CCNT1: variants seen among roughly 807,000 people sequenced by gnomAD.
CCNT1 encodes cyclin-T1.
Under a neutral mutation model 67.3 loss-of-function variants are expected in CCNT1, and 18 were observed. The ratio of observed to expected loss-of-function variants is 0.27; its 90% CI spans 0.18 to 0.40. The LOEUF (loss-of-function observed/expected upper bound fraction) is 0.40. Among genes scored for constraint, CCNT1 ranks in the 10% least tolerant of loss-of-function variants. The pLI, the probability that CCNT1 is intolerant of heterozygous loss-of-function variation, is 1.00. For synonymous variants in CCNT1, 333 were observed against 310.3 expected (o/e 1.07, Z -0.77); for missense variants, 744 against 884.9 (o/e 0.84, Z 2.02).
intron 2 of CCNT1, among the ~76,000 whole-genome samples, chr12:48,707,164 G>A (rs1037373740): frequency 2.0e-5 from 3 of 152,056 alleles, no homozygotes; most frequent in African/African-American, 7.2e-5. Flanking sequence ...AACAAAACAG[G>A]ATCAGAGAAA....
At chr12:48,714,570 G>A (rs567054904) in intron 1 of CCNT1, 46 bp from the exon 2 acceptor site, 2 of 1,237,680 alleles carry the variant, frequency 1.6e-6, no homozygotes, top group South Asian at 1.2e-5. Flanking sequence ...GTATAATTCT[G>A]GAAAAGATAA....
chr12:48,689,630 C>T lies in CCNT1; in HGVS notation c.*3403G>A, dbSNP rs557720629. Reference sequence around the variant, plus strand: ...TCAACTGCAAGATGTTCTAGATTCTCTCTTTTCTTAGTATCAAAATAACTC... The same window carrying T: ...TCAACTGCAAGATGTTCTAGATTCTTTCTTTTCTTAGTATCAAAATAACTC... On this transcript the variant is annotated 3_prime_UTR_variant, in exon 9 of 9. Transcript: ENST00000261900. 2 of 152,344 alleles carry T rather than the reference C, an allele frequency of 1.3e-5. No individual in the cohort carries two copies. Among genetic ancestry groups the T allele is most frequent in the South Asian group, 4.1e-4 (2 of 4,832 alleles). 9.4% of individuals were successfully genotyped at this position (152,344 alleles called of 1,614,324 possible).
Position 48,701,008 on chromosome 12 carries a change from C to G in CCNT1, c.433+5G>C. Reference sequence around the variant, plus strand: ...AAAAAATGTTTCAAAGGAAAATAAACTTACCTAAAGTCTGCAAAATTATGC... The same window carrying G: ...AAAAAATGTTTCAAAGGAAAATAAAGTTACCTAAAGTCTGCAAAATTATGC... On this transcript the variant is annotated splice_donor_5th_base_variant and intron_variant, in intron 4 of 8. Transcript: ENST00000261900. 6.6e-7 allele frequency: 1 copy of G among 1,513,338 alleles called. No homozygotes were observed. Among genetic ancestry groups the G allele is most frequent in the Non-Finnish European group, 9.0e-7 (1 of 1,107,986 alleles). 93.7% of individuals were successfully genotyped at this position (1,513,338 alleles called of 1,614,324 possible). A position where few individuals can be genotyped will look rare whatever the true frequency, so the allele number is the denominator to read the frequency against.
At chr12:48,706,239 G>A (rs998434462) in intron 2 of CCNT1, among the ~76,000 whole-genome samples, 1 of 152,174 alleles carries the variant, frequency 6.6e-6, no homozygotes, top group Non-Finnish European at 1.5e-5. Context: ...GAAATGTCCA[G>A]AATACGCAAA....
intron 7 of CCNT1, 84 bp from the exon 8 acceptor site, chr12:48,695,913 T>C: frequency 6.5e-7 from 1 of 1,534,960 alleles, no homozygotes; most frequent in Non-Finnish European, 9.0e-7. Flanking sequence ...TAACTAACTA[T>C]TTTCATCTGA....
At chr12:48,704,084 G>A (rs1309028112) in intron 3 of CCNT1, among the ~76,000 whole-genome samples, 1 of 152,154 alleles carries the variant, frequency 6.6e-6, no homozygotes, top group Non-Finnish European at 1.5e-5. Flanking sequence ...GAATCCATCA[G>A]ATGGGAAAAT....
intron 3 of CCNT1, among the ~76,000 whole-genome samples, chr12:48,705,280 T>TG (rs1400747252): frequency 8.4e-5 from 12 of 143,366 alleles, no homozygotes; most frequent in African/African-American, 2.0e-4. Flanking sequence ...CCCAGTTGTT[T>TG]TTTGTTGTTG....
chr12:48,709,655 T>C (rs1035641229), intron 2 of CCNT1, among the ~76,000 whole-genome samples: 4 of 152,162 alleles, frequency 2.6e-5, no homozygotes, highest in African/African-American at 9.7e-5. Flanking sequence ...GTCCAATACA[T>C]ACTGTTACAT....
At chr12:48,710,766 A>G (rs577870332) in intron 2 of CCNT1, among the ~76,000 whole-genome samples, 2 of 152,348 alleles carry the variant, frequency 1.3e-5, no homozygotes, top group African/African-American at 4.8e-5. Flanking sequence ...TTAACAGATA[A>G]GAAATAAAAA....
Position 48,714,483 on chromosome 12 carries a change from C to T in CCNT1, c.203G>A (p.Arg68Gln). ...TGTGAAGGACTGAATCATGTAGAATCGATGCATGTATACTATAGCAGTGTT... is the reference window on the plus strand; with the variant it reads ...TGTGAAGGACTGAATCATGTAGAATTGATGCATGTATACTATAGCAGTGTT... ...TINTAIVYMH[R>Q]FYMIQSFTQF... Residue 68 changes from arginine to glutamine, a missense_variant, in exon 2 of 9, where the codon CGA becomes CAA. Coordinates refer to ENST00000261900, the MANE Select transcript of CCNT1 (RefSeq NM_001240.4). 2 of 1,611,028 alleles carry T rather than the reference C, an allele frequency of 1.2e-6. No individual in the cohort carries two copies. Among genetic ancestry groups the T allele is most frequent in the Non-Finnish European group, 1.7e-6 (2 of 1,177,508 alleles).
At chr12:48,701,543 T>G (rs1362293873) in intron 3 of CCNT1, among the ~76,000 whole-genome samples, 1 of 152,118 alleles carries the variant, frequency 6.6e-6, no homozygotes, top group African/African-American at 2.4e-5. Flanking sequence ...CAGGTTAATA[T>G]TTAAGTTTTA....
At chr12:48,704,745 G>A (rs1041529658) in intron 3 of CCNT1, among the ~76,000 whole-genome samples, 1 of 152,100 alleles carries the variant, frequency 6.6e-6, no homozygotes, top group African/African-American at 2.4e-5. Context: ...GCAGGTGGAG[G>A]TTGCAGTGAG....
rs1350318683 is a variant in CCNT1 at position 48,689,622 on chromosome 12, T to C, written c.*3411A>G. 1 of 152,246 alleles carries C rather than the reference T, an allele frequency of 6.6e-6. No individual in the cohort carries two copies. Among genetic ancestry groups the C allele is most frequent in the African/African-American group, 2.4e-5 (1 of 41,474 alleles). 9.4% of individuals were successfully genotyped at this position (152,246 alleles called of 1,614,324 possible). A position where few individuals can be genotyped will look rare whatever the true frequency, so the allele number is the denominator to read the frequency against. On this transcript the variant is annotated 3_prime_UTR_variant, in exon 9 of 9. Transcript: ENST00000261900. ...TTTGTATTTCAACTGCAAGATGTTC[T>C]AGATTCTCTCTTTTCTTAGTATCAA...
chr12:48,713,775 CCCTG>C (rs778841276), intron 2 of CCNT1, among the ~76,000 whole-genome samples: 5 of 152,328 alleles, frequency 3.3e-5, no homozygotes, highest in Admixed American at 2.6e-4. Context: ...CAGGGCAAGA[CCCTG>C]CCTGTCTCCC....
intron 3 of CCNT1, among the ~76,000 whole-genome samples, chr12:48,703,298 A>G (rs576412106): frequency 2.0e-5 from 3 of 151,862 alleles, no homozygotes; most frequent in Non-Finnish European, 2.9e-5. Context: ...AGCTGGCTGG[A>G]CATGGTGGCT....
At chr12:48,700,244 A>T (rs1456101289) in intron 4 of CCNT1, among the ~76,000 whole-genome samples, 1 of 150,482 alleles carries the variant, frequency 6.6e-6, no homozygotes, top group Non-Finnish European at 1.5e-5. Flanking sequence ...GCGTGCACCC[A>T]GGAGGCGGAG....
chr12:48,708,025 G>GC (rs1256601522), intron 2 of CCNT1, among the ~76,000 whole-genome samples: 2 of 152,044 alleles, frequency 1.3e-5, no homozygotes, highest in Non-Finnish European at 2.9e-5. Flanking sequence ...CCAAGATCAT[G>GC]CCACTGTACT....
chr12:48,695,943 G>C, intron 7 of CCNT1, 56 bp downstream of exon 7: 3 of 1,590,724 alleles, frequency 1.9e-6, no homozygotes, highest in Middle Eastern at 1.7e-4. Flanking sequence ...CCTTTGGCCA[G>C]CTATGTGACA....
chr12:48,715,322 T>G (rs1276423169), intron 1 of CCNT1, among the ~76,000 whole-genome samples: 1 of 152,162 alleles, frequency 6.6e-6, no homozygotes, highest in Non-Finnish European at 1.5e-5. Context: ...CAGCCACACA[T>G]TTAAATAGAA....
Sources: gnomAD v4.1 joint callset for allele counts (sites outside exome capture counted in the v4.1 genomes callset) on GRCh38, gnomAD v4.1.1 for gene constraint, MANE v1.5 for transcripts, NCBI Gene and HGNC (gene_info 2026-07-23, HGNC 2026-07-21) for gene names.